The following LRIF1 variants were observed in gnomAD, a reference collection of about 807,000 sequenced individuals.
LRIF1 encodes the protein ligand dependent nuclear receptor interacting factor 1, also known as ligand-dependent nuclear receptor-interacting factor 1.
LRIF1 carries 32 observed loss-of-function variants against 52.7 expected under a neutral mutation model. That is an observed-to-expected ratio of 0.61 (90% CI 0.46 to 0.82). The LOEUF (loss-of-function observed/expected upper bound fraction) is 0.82. LRIF1 is among the 40% of genes least tolerant of loss of function. LRIF1 has a pLI of 0.00. For missense variants in LRIF1, 887 were observed against 892.0 expected (o/e 0.99, Z 0.07); for synonymous variants, 323 against 317.4 (o/e 1.02, Z -0.19).
chr1:110,953,270 C>G (rs1052772736), intron 1 of LRIF1, among the ~76,000 whole-genome samples: 1 of 152,180 alleles, frequency 6.6e-6, no homozygotes, highest in Non-Finnish European at 1.5e-5. Context: ...CCTTCAATAA[C>G]TCACAAGTTC....
chr1:110,889,352 C>T, the LRIF1 span, among the ~76,000 whole-genome samples: 11 of 151,516 alleles, frequency 7.3e-5, no homozygotes, highest in Non-Finnish European at 1.2e-4. Context: ...GTCAGGAGTT[C>T]GAGATCAGCC....
At chr1:110,916,771 C>A in the LRIF1 span, among the ~76,000 whole-genome samples, 12 of 152,028 alleles carry the variant, frequency 7.9e-5, no homozygotes, top group African/African-American at 2.9e-4. Flanking sequence ...AAATAAAAGC[C>A]AATGAAGCTG....
At chr1:110,887,149 C>T in the LRIF1 span, among the ~76,000 whole-genome samples, 2 of 151,906 alleles carry the variant, frequency 1.3e-5, no homozygotes, top group African/African-American at 2.4e-5. Context: ...CTCCAAGCTC[C>T]GTCTCCCGGG....
At chr1:110,941,376 C>A in the LRIF1 span, 8 of 151,980 alleles carry the variant, frequency 5.3e-5, no homozygotes, top group Non-Finnish European at 8.8e-5. Context: ...TGGCCTACCT[C>A]CTTTCTTTTA....
chr1:110,962,663 T>C (rs925344354), intron 1 of LRIF1, among the ~76,000 whole-genome samples: 4 of 152,352 alleles, frequency 2.6e-5, no homozygotes, highest in African/African-American at 9.6e-5. Flanking sequence ...TGCTATTATT[T>C]ACAGACTGGA....
the LRIF1 span, among the ~76,000 whole-genome samples, chr1:110,901,477 CT>C: frequency 9.4e-4 from 109 of 115,876 alleles, 1 homozygote; most frequent in East Asian, 0.01. Flanking sequence ...CGCACCCGGC[CT>C]TTTTTTTTTT....
chr1:110,952,067 C>A lies in LRIF1; in HGVS notation c.817G>T (p.Ala273Ser). 1 of 1,614,178 alleles carries A rather than the reference C, an allele frequency of 6.2e-7. No homozygotes were observed. Among genetic ancestry groups the A allele is most frequent in the Non-Finnish European group, 8.5e-7 (1 of 1,180,024 alleles). The change falls in exon 2 of 4, where the codon GCT (alanine) becomes TCT (serine). Residue 273 changes from alanine to serine, a missense_variant. Coordinates refer to ENST00000369763, the MANE Select transcript of LRIF1 (RefSeq NM_018372.4). ...CCACCTTTCAATTGTGTCTCTGTAGCAACATTCTTTGGAATTTGTGTGGTA... is the reference window on the plus strand; with the variant it reads ...CCACCTTTCAATTGTGTCTCTGTAGAAACATTCTTTGGAATTTGTGTGGTA... ...LNTTQIPKNV[A>S]TETQLKGGQH...
chr1:110,894,197 A>C, the LRIF1 span: 46 of 738,662 alleles, frequency 6.2e-5, no homozygotes, highest in South Asian at 7.1e-4. Flanking sequence ...AAGAAGGCTT[A>C]CAACGGCCTG....
At chr1:110,961,301 C>T (rs1339233767) in intron 1 of LRIF1, among the ~76,000 whole-genome samples, 1 of 152,194 alleles carries the variant, frequency 6.6e-6, no homozygotes, top group Non-Finnish European at 1.5e-5. Flanking sequence ...CAGTCTATCA[C>T]ATAGATAGTA....
chr1:110,909,149 A>C, the LRIF1 span, among the ~76,000 whole-genome samples: 1 of 152,218 alleles, frequency 6.6e-6, no homozygotes, highest in Non-Finnish European at 1.5e-5. Flanking sequence ...AATGAGAAAT[A>C]AAATCCATTT....
At chr1:110,875,082 A>C in the LRIF1 span, among the ~76,000 whole-genome samples, 1 of 152,302 alleles carries the variant, frequency 6.6e-6, no homozygotes, top group African/African-American at 2.4e-5. Flanking sequence ...TGTGCCAAAA[A>C]CTGCCTAGAG....
chr1:110,891,438 G>T, the LRIF1 span: 1 of 1,614,002 alleles, frequency 6.2e-7, no homozygotes, highest in South Asian at 1.1e-5. Flanking sequence ...AACTGCTGAA[G>T]TATGTCCTGT....
At chr1:110,926,670 T>G in the LRIF1 span, among the ~76,000 whole-genome samples, 3 of 152,132 alleles carry the variant, frequency 2.0e-5, no homozygotes, top group Non-Finnish European at 4.4e-5. Context: ...AGATTGCATC[T>G]CTCAACATTG....
At chr1:110,915,830 A>G in the LRIF1 span, among the ~76,000 whole-genome samples, 7 of 152,226 alleles carry the variant, frequency 4.6e-5, no homozygotes, top group African/African-American at 1.7e-4. Context: ...TTTAAAAAAT[A>G]ATAAAAGCTG....
In LRIF1 at chr1:110,956,181, T is replaced by C. The variant is rs116962818; in HGVS notation, c.69-3366A>G. 8.7e-4 allele frequency among the ~76,000 whole-genome samples: 132 copies of C among 152,328 alleles called. 1 individual carries two copies. In the East Asian group the frequency reaches 0.021, roughly 24 times the overall value. On this transcript the variant is annotated intron_variant, in intron 1 of 3. Coordinates refer to ENST00000369763, the MANE Select transcript of LRIF1 (RefSeq NM_018372.4). ...GAACAGTCTTCGTGAAGGAGTAAAC[T>C]GACCACAGAAGATATTAGAGTTGCC... is the stretch of plus-strand genomic sequence containing the variant.
chr1:110,959,250 A>G (rs1658848531), intron 1 of LRIF1, among the ~76,000 whole-genome samples: 1 of 152,240 alleles, frequency 6.6e-6, no homozygotes, highest in Non-Finnish European at 1.5e-5. Flanking sequence ...ATTACAGGCT[A>G]CTAATTCTGG....
the LRIF1 span, among the ~76,000 whole-genome samples, chr1:110,913,510 A>G: frequency 2.0e-5 from 3 of 152,236 alleles, no homozygotes; most frequent in Non-Finnish European, 4.4e-5. Context: ...ACACTTCTCA[A>G]AAGAAGGCAT....
the LRIF1 span, among the ~76,000 whole-genome samples, chr1:110,886,160 A>G: frequency 2.0e-5 from 3 of 151,952 alleles, no homozygotes; most frequent in Non-Finnish European, 1.5e-5. Context: ...TTTCTTTAGT[A>G]TTTTAAATGT....
At chr1:110,875,716 G>A in the LRIF1 span, among the ~76,000 whole-genome samples, 1 of 152,190 alleles carries the variant, frequency 6.6e-6, no homozygotes, top group African/African-American at 2.4e-5. Context: ...GTAACCCAGA[G>A]AAAACAGACA....
Sources: gnomAD v4.1 joint callset for allele counts (sites outside exome capture counted in the v4.1 genomes callset) on GRCh38, gnomAD v4.1.1 for gene constraint, MANE v1.5 for transcripts, NCBI Gene and HGNC (gene_info 2026-07-23, HGNC 2026-07-21) for gene names.